The following PARD3B variants were observed in gnomAD, a reference collection of about 807,000 sequenced individuals.
PARD3B encodes the protein partitioning defective 3 homolog B.
PARD3B carries 103 observed loss-of-function variants against 130.2 expected under a neutral mutation model. That is an observed-to-expected ratio of 0.79 (90% CI 0.67 to 0.93). The LOEUF (loss-of-function observed/expected upper bound fraction) is 0.93, where lower values mean the gene tolerates loss of function less well. PARD3B is among the 40% of genes least tolerant of loss of function. The pLI, the probability that PARD3B is intolerant of heterozygous loss-of-function variation, is 0.00. For missense variants in PARD3B, 1,609 were observed against 1,499.2 expected, an observed-to-expected ratio of 1.07 and a Z score of -1.21; for synonymous variants, 583 against 553.2, an observed-to-expected ratio of 1.05 and a Z score of -0.76.
At chr2:204,850,480 G>A (rs2044661252) in intron 2 of PARD3B, among the ~76,000 whole-genome samples, 1 of 151,316 alleles carries the variant, frequency 6.6e-6, no homozygotes, top group South Asian at 2.1e-4. Context: ...AAAAAAATAT[G>A]TATATATATA....
chr2:204,836,931 C>CT (rs1212925324), intron 2 of PARD3B, among the ~76,000 whole-genome samples: 1 of 151,986 alleles, frequency 6.6e-6, no homozygotes, highest in East Asian at 1.9e-4. Flanking sequence ...TTTTTACATG[C>CT]TATATAGAAC....
chr2:205,437,188 A>G (rs1232667415), intron 19 of PARD3B, among the ~76,000 whole-genome samples: 2 of 152,150 alleles, frequency 1.3e-5, no homozygotes, highest in African/African-American at 2.4e-5. Flanking sequence ...GCATGAGATT[A>G]TGGTCGTTTT....
At chr2:204,723,167 A>G (rs2039072629) in intron 2 of PARD3B, among the ~76,000 whole-genome samples, 1 of 152,146 alleles carries the variant, frequency 6.6e-6, no homozygotes, top group Admixed American at 6.6e-5. Context: ...AAACTTTTAG[A>G]TGCTGTTGAG....
chr2:205,141,996 G>T (rs955504589), intron 10 of PARD3B, among the ~76,000 whole-genome samples: 2 of 152,146 alleles, frequency 1.3e-5, no homozygotes, highest in Non-Finnish European at 2.9e-5. Flanking sequence ...TAGGCATGGC[G>T]TTGGGATAAG....
chr2:204,871,946 G>A (rs1354512970), intron 2 of PARD3B, among the ~76,000 whole-genome samples: 1 of 151,938 alleles, frequency 6.6e-6, no homozygotes, highest in Non-Finnish European at 1.5e-5. Context: ...CTAAAACACA[G>A]TCATTAAAAT....
At chr2:204,636,701 C>T (rs1483084186) in intron 1 of PARD3B, among the ~76,000 whole-genome samples, 1 of 152,098 alleles carries the variant, frequency 6.6e-6, no homozygotes, top group Non-Finnish European at 1.5e-5. Context: ...TTTGGTTTCA[C>T]AGCCTTAGAT....
chr2:205,250,378 A>C (rs963122645), intron 16 of PARD3B, among the ~76,000 whole-genome samples: 1 of 152,164 alleles, frequency 6.6e-6, no homozygotes, highest in Non-Finnish European at 1.5e-5. Context: ...CATATTAATT[A>C]GCAAAATGGA....
chr2:205,359,612 T>G (rs2044316874), intron 18 of PARD3B, among the ~76,000 whole-genome samples: 1 of 152,230 alleles, frequency 6.6e-6, no homozygotes, highest in African/African-American at 2.4e-5. Flanking sequence ...TTGGGATATA[T>G]CCACAAATAA....
intron 15 of PARD3B, among the ~76,000 whole-genome samples, chr2:205,196,397 C>T (rs1166498920): frequency 3.3e-5 from 5 of 152,000 alleles, no homozygotes; most frequent in Non-Finnish European, 5.9e-5. Flanking sequence ...GCCTTTGCCA[C>T]GTTACCATTT....
chr2:205,560,130 G>A (rs189615707), intron 22 of PARD3B, among the ~76,000 whole-genome samples: 16 of 152,282 alleles, frequency 1.1e-4, no homozygotes, highest in Admixed American at 9.8e-4. Context: ...AAACAGTCTG[G>A]CTGCGAGTTT....
intron 12 of PARD3B, 73 bp downstream of exon 12, chr2:205,172,454 T>C: frequency 7.0e-7 from 1 of 1,432,736 alleles, no homozygotes; most frequent in South Asian, 1.3e-5. Context: ...CCATTCCTAG[T>C]ATGGCAGCTA....
chr2:204,874,234 C>T (rs1412992619), intron 2 of PARD3B, among the ~76,000 whole-genome samples: 1 of 152,164 alleles, frequency 6.6e-6, no homozygotes. Context: ...TGAATGGCCC[C>T]TTTTAGCACA....
chr2:204,788,007 A>G (rs1408636410), intron 2 of PARD3B, among the ~76,000 whole-genome samples: 1 of 152,174 alleles, frequency 6.6e-6, no homozygotes, highest in Admixed American at 6.5e-5. Context: ...TGTTTAATCC[A>G]TGTTTTGTGA....
chr2:205,170,591 C>A (rs1376852037), intron 11 of PARD3B, among the ~76,000 whole-genome samples: 2 of 152,148 alleles, frequency 1.3e-5, no homozygotes, highest in Admixed American at 1.3e-4. Context: ...TGTGTCTTCA[C>A]CAGGGCATTG....
In PARD3B at chr2:205,300,106, T is replaced by G. The variant is rs1302696138; in HGVS notation, c.2186-424T>G. ...ACTGGAAGAGAAGCTCTCGTCATGTTAGGTGCTTGGTATGTTTGTGTGTGT... is the reference window on the plus strand; with the variant it reads ...ACTGGAAGAGAAGCTCTCGTCATGTGAGGTGCTTGGTATGTTTGTGTGTGT... On this transcript the variant is annotated intron_variant, in intron 16 of 22. Transcript: ENST00000406610. The surrounding 1 kb of genome is among the most constrained non-coding windows in gnomAD (Gnocchi z 4.1). Among the ~76,000 whole-genome samples, 1 of 152,172 alleles carries G rather than the reference T, an allele frequency of 6.6e-6. No individual in the cohort carries two copies. The highest frequency in any genetic ancestry group is 1.5e-5 in the Non-Finnish European group (1 of 68,020).
intron 3 of PARD3B, among the ~76,000 whole-genome samples, chr2:205,045,273 G>A (rs1448160415): frequency 6.6e-6 from 1 of 150,802 alleles, no homozygotes; most frequent in Non-Finnish European, 1.5e-5. Flanking sequence ...TTTTGAGACA[G>A]AGTCTCACTC....
At chr2:205,381,719 A>G (rs1196632985) in intron 18 of PARD3B, among the ~76,000 whole-genome samples, 6 of 152,010 alleles carry the variant, frequency 3.9e-5, no homozygotes, top group Non-Finnish European at 8.8e-5. Context: ...ATTGGTAGAC[A>G]ATTAAATTAA....
chr2:204,745,947 C>T (rs563943484), intron 2 of PARD3B, among the ~76,000 whole-genome samples: 9 of 151,522 alleles, frequency 5.9e-5, no homozygotes, highest in Admixed American at 3.9e-4. Context: ...GGGCGTAAAA[C>T]GAACAAAAAC....
In PARD3B at chr2:205,520,313, A is replaced by C. The variant is rs138578766; in HGVS notation, c.3180+20282A>C. ...GGTGGATATGTGGGAAACATGGGAG[A>C]TGGACTGTCCTCCTCTCCTTGGGTC... is the stretch of plus-strand genomic sequence containing the variant. On this transcript the variant is annotated intron_variant, in intron 21 of 22. Coordinates refer to ENST00000406610, the MANE Select transcript of PARD3B (RefSeq NM_001302769.2). Among the ~76,000 whole-genome samples, 474 of 152,252 alleles carry C rather than the reference A, an allele frequency of 3.1e-3. 3 individuals are homozygous for C. Among genetic ancestry groups the C allele is most frequent in the African/African-American group, 0.011 (452 of 41,556 alleles).
Sources: gnomAD v4.1 joint callset for allele counts (sites outside exome capture counted in the v4.1 genomes callset) on GRCh38, gnomAD v4.1.1 for gene constraint, Gnocchi (gnomAD v3.1) non-coding constraint, MANE v1.5 for transcripts, NCBI Gene and HGNC (gene_info 2026-07-23, HGNC 2026-07-21) for gene names.